Variants in MTUS1 observed in about 807,000 individuals in gnomAD.
The protein encoded by MTUS1 is microtubule associated scaffold protein 1.
Under a neutral mutation model 120.8 loss-of-function variants are expected in MTUS1, and 109 were observed. The ratio of observed to expected loss-of-function variants is 0.90; its 90% CI spans 0.77 to 1.06. The LOEUF (loss-of-function observed/expected upper bound fraction) is 1.06. Among genes scored for constraint, MTUS1 ranks in the 50% least tolerant of loss-of-function variants. The pLI, the probability that MTUS1 is intolerant of heterozygous loss-of-function variation, is 0.00. For synonymous variants in MTUS1, 737 were observed against 550.5 expected (o/e 1.34, Z -4.74); for missense variants, 2,210 against 1,486.3 (o/e 1.49, Z -8.01).
intron 1 of MTUS1, among the ~76,000 whole-genome samples, chr8:17,760,552 C>T (rs1229501219): frequency 1.3e-5 from 2 of 152,108 alleles, no homozygotes; most frequent in Non-Finnish European, 2.9e-5. Flanking sequence ...AGGAGTTTGT[C>T]AAAAGAGTTA....
intron 1 of MTUS1, among the ~76,000 whole-genome samples, chr8:17,765,796 T>C (rs891766641): frequency 6.6e-6 from 1 of 151,778 alleles, no homozygotes; most frequent in Non-Finnish European, 1.5e-5. Flanking sequence ...TCAAGGACAG[T>C]ATACTCTCAA....
At chr8:17,769,997 G>A (rs984876002) in intron 1 of MTUS1, among the ~76,000 whole-genome samples, 41 of 151,700 alleles carry the variant, frequency 2.7e-4, no homozygotes, top group African/African-American at 9.7e-4. Context: ...CAAGGTTCTA[G>A]ACACTTCAGA....
chr8:17,704,973 T>C (rs193020672), intron 6 of MTUS1, among the ~76,000 whole-genome samples: 3 of 152,238 alleles, frequency 2.0e-5, no homozygotes, highest in Admixed American at 2.0e-4. Context: ...ATACTGTTTC[T>C]AATGATTTTT....
intron 8 of MTUS1, among the ~76,000 whole-genome samples, chr8:17,662,345 C>T (rs200783623): frequency 0.023 from 3,048 of 134,534 alleles, 42 homozygotes; most frequent in Non-Finnish European, 0.037. Flanking sequence ...GTCTTTTTGT[C>T]CCTATTTTTT....
intron 11 of MTUS1, 42 bp downstream of exon 11, chr8:17,653,383 T>C (rs200817737): frequency 1.3e-5 from 19 of 1,436,594 alleles, no homozygotes; most frequent in African/African-American, 1.3e-4. Flanking sequence ...AAAAATGATA[T>C]TTTTTTTTGT....
chr8:17,763,585 T>A (rs1435398935), intron 1 of MTUS1, among the ~76,000 whole-genome samples: 1 of 151,998 alleles, frequency 6.6e-6, no homozygotes, highest in East Asian at 1.9e-4. Flanking sequence ...CCTCTTTTTT[T>A]CTCTTGGGAA....
chr8:17,778,852 A>T (rs2050658204), intron 1 of MTUS1, among the ~76,000 whole-genome samples: 1 of 152,130 alleles, frequency 6.6e-6, no homozygotes, highest in South Asian at 2.1e-4. Flanking sequence ...CTGAGCTCAG[A>T]CACCAAACCA....
At chr8:17,701,106 C>G (rs1316007447) in intron 6 of MTUS1, among the ~76,000 whole-genome samples, 1 of 152,126 alleles carries the variant, frequency 6.6e-6, no homozygotes, top group Non-Finnish European at 1.5e-5. Context: ...AAAATTTAAA[C>G]CAAGTGACTT....
At chr8:17,726,159 G>A (rs1165157270) in intron 3 of MTUS1, among the ~76,000 whole-genome samples, 1 of 152,038 alleles carries the variant, frequency 6.6e-6, no homozygotes, top group Admixed American at 6.6e-5. Flanking sequence ...CTTCTCTTCT[G>A]AACCCTTGCT....
chr8:17,769,977 GAGAA>G (rs1166769101), intron 1 of MTUS1, among the ~76,000 whole-genome samples: 3 of 151,612 alleles, frequency 2.0e-5, no homozygotes, highest in Non-Finnish European at 4.4e-5. Context: ...ATGCAAAAGT[GAGAA>G]ATAAGCAAGG....
At chr8:17,774,131 G>A (rs764574254) in intron 1 of MTUS1, among the ~76,000 whole-genome samples, 3 of 152,094 alleles carry the variant, frequency 2.0e-5, no homozygotes, top group Non-Finnish European at 4.4e-5. Context: ...CTTAAAGCTC[G>A]TTTTCCTAGA....
rs112679804 is a variant in MTUS1, at chr8:17,714,643, C to A, written c.2584+1124G>T. ...TACTAACTTAATAAAAAGCAAGATACAGAAGAGTATATTCATTATTACCTC... is the reference window on the plus strand; with the variant it reads ...TACTAACTTAATAAAAAGCAAGATAAAGAAGAGTATATTCATTATTACCTC... On this transcript the variant is annotated intron_variant, in intron 5 of 14. Transcript: ENST00000693296. 3.7e-4 allele frequency among the ~76,000 whole-genome samples: 56 copies of A among 152,082 alleles called. 1 individual carries two copies. Among genetic ancestry groups the A allele is most frequent in the African/African-American group, 1.2e-3 (51 of 41,466 alleles).
intron 10 of MTUS1, chr8:17,653,718 C>T (rs1407905572): frequency 6.6e-6 from 3 of 457,882 alleles, no homozygotes; most frequent in Non-Finnish European, 1.1e-5. Context: ...AGCCCTGAGG[C>T]CCACTGAAGC....
At chr8:17,773,228 T>C (rs1299357985) in intron 1 of MTUS1, among the ~76,000 whole-genome samples, 1 of 152,160 alleles carries the variant, frequency 6.6e-6, no homozygotes. Context: ...CAAATCAATG[T>C]CTCTGAACCG....
At chr8:17,720,411 A>C (rs1223622184) in intron 4 of MTUS1, among the ~76,000 whole-genome samples, 1 of 151,902 alleles carries the variant, frequency 6.6e-6, no homozygotes, top group Admixed American at 6.6e-5. Flanking sequence ...CCTTTTCTGC[A>C]TGTTACACCC....
At chr8:17,666,925 G>A (rs1243889923) in intron 8 of MTUS1, among the ~76,000 whole-genome samples, 3 of 152,190 alleles carry the variant, frequency 2.0e-5, no homozygotes, top group Non-Finnish European at 4.4e-5. Context: ...AACCAAGTCA[G>A]AAGCAATGGG....
At chr8:17,698,006 G>T (rs1818315576) in intron 6 of MTUS1, among the ~76,000 whole-genome samples, 1 of 151,652 alleles carries the variant, frequency 6.6e-6, no homozygotes, top group Admixed American at 6.6e-5. Flanking sequence ...AAGACTTCAG[G>T]CAATAAATGT....
At chr8:17,734,530 T>C (rs1180455780) in intron 3 of MTUS1, among the ~76,000 whole-genome samples, 1 of 152,068 alleles carries the variant, frequency 6.6e-6, no homozygotes, top group Admixed American at 6.6e-5. Context: ...TCGGTGATGC[T>C]GTCAGTACCT....
At chr8:17,647,837 G>A (rs1806151328) in intron 13 of MTUS1, among the ~76,000 whole-genome samples, 1 of 152,152 alleles carries the variant, frequency 6.6e-6, no homozygotes, top group Admixed American at 6.6e-5. Flanking sequence ...AAGGCTTTAT[G>A]AAGAGGCAAT....
Sources: gnomAD v4.1 joint callset for allele counts (sites outside exome capture counted in the v4.1 genomes callset) on GRCh38, gnomAD v4.1.1 for gene constraint, MANE v1.5 for transcripts, NCBI Gene and HGNC (gene_info 2026-07-23, HGNC 2026-07-21) for gene names.